DOCK11: variants seen among roughly 807,000 people sequenced by gnomAD.
DOCK11 encodes dedicator of cytokinesis protein 11.
A neutral mutation model predicts 169.1 loss-of-function variants in DOCK11; 70 were observed. The observed-to-expected ratio is 0.41, with a 90% confidence interval of 0.34 to 0.51. The LOEUF (loss-of-function observed/expected upper bound fraction) is 0.51, where lower values mean the gene tolerates loss of function less well. Ranked by LOEUF, DOCK11 falls within the 20% of genes least tolerant of loss-of-function variation. DOCK11 has a pLI of 0.10. For missense variants in DOCK11, 1,166 were observed against 1,538.8 expected, an observed-to-expected ratio of 0.76 and a Z score of 4.05; for synonymous variants, 529 against 541.3, an observed-to-expected ratio of 0.98 and a Z score of 0.32.
At chrX:118,601,584 A>G (rs2014339258) in intron 23 of DOCK11, among the ~76,000 whole-genome samples, 1 of 111,942 alleles carries the variant, frequency 8.9e-6, no homozygotes, top group Non-Finnish European at 1.9e-5. Flanking sequence ...GGAAAAGAAC[A>G]TCATTTTCAT....
intron 10 of DOCK11, among the ~76,000 whole-genome samples, chrX:118,569,039 G>GT (rs1349675899): frequency 1.1e-5 from 1 of 94,110 alleles, no homozygotes; most frequent in Non-Finnish European, 2.2e-5. Context: ...TGTTGTTGTC[G>GT]TTTTTTCTTC....
chrX:118,641,853 A>C (rs2015541799), intron 39 of DOCK11, among the ~76,000 whole-genome samples: 2 of 111,420 alleles, frequency 1.8e-5, no homozygotes, highest in Admixed American at 1.9e-4. Flanking sequence ...AAAAGTAAAA[A>C]CGGTGTGACC....
At chrX:118,604,007 T>C (rs1350578696) in intron 23 of DOCK11, among the ~76,000 whole-genome samples, 2 of 112,191 alleles carry the variant, frequency 1.8e-5, no homozygotes, top group African/African-American at 3.2e-5. Context: ...CTTCGCACTA[T>C]TGACATTTTG....
chrX:118,629,532 T>G (rs1442834079), intron 34 of DOCK11, among the ~76,000 whole-genome samples: 1 of 112,143 alleles, frequency 8.9e-6, no homozygotes, highest in East Asian at 2.8e-4. Context: ...TTTCTGATAT[T>G]TTTTAAAAAG....
intron 40 of DOCK11, among the ~76,000 whole-genome samples, chrX:118,647,681 ATAT>A (rs1190134433): frequency 4.5e-4 from 24 of 52,780 alleles, no homozygotes; most frequent in Middle Eastern, 0.016. Flanking sequence ...TTATTATATA[ATAT>A]TATATTATAA....
At chrX:118,654,471 C>T in intron 42 of DOCK11, 131 bp from the exon 43 acceptor site, 1 of 504,292 alleles carries the variant, frequency 2.0e-6, no homozygotes, top group East Asian at 3.6e-5. Context: ...AAAATTATTT[C>T]AGTGTACTAT....
chrX:118,574,484 G>T (rs1355994800), intron 12 of DOCK11, among the ~76,000 whole-genome samples: 1 of 111,166 alleles, frequency 9.0e-6, no homozygotes, highest in Non-Finnish European at 1.9e-5. Flanking sequence ...CAGGAGAATC[G>T]CTTGAACCCA....
At chrX:118,673,147 A>C (rs1472212402) in intron 46 of DOCK11, among the ~76,000 whole-genome samples, 1 of 111,898 alleles carries the variant, frequency 8.9e-6, no homozygotes, top group Non-Finnish European at 1.9e-5. Context: ...AAACCCAGGG[A>C]GCCTTTTGCT....
chrX:118,640,480 CTGAT>C (rs2015501793), intron 38 of DOCK11, among the ~76,000 whole-genome samples: 1 of 112,481 alleles, frequency 8.9e-6, no homozygotes, highest in Admixed American at 9.4e-5. Context: ...TGTTTTCCTT[CTGAT>C]TTAGAAACAA....
rs2015136172 is a variant in DOCK11, at chrX:118,627,506, A to G, written c.3591A>G (p.Ala1197=). The G allele has an allele frequency of 8.3e-7, 1 of 1,202,823 alleles. No homozygotes were observed. Among genetic ancestry groups the G allele is most frequent in the African/African-American group, 1.8e-5 (1 of 56,969 alleles). The part of the protein sequence containing the change: ...LYSCAAMPNS[A]SRDEFPCGFT... ...ACAGGTATCATATTCTGTTACAGGC[A>G]TCCAGAGATGAGTTTCCATGTGGCT... is the stretch of plus-strand genomic sequence containing the variant. Residue 1197 remains alanine, a splice_region_variant and synonymous_variant, in exon 33 of 53, where the codon GCA becomes GCG. Transcript: ENST00000276202.
chrX:118,516,832 G>A lies in DOCK11; in HGVS notation c.102+20759G>A, dbSNP rs1445021490. Among the ~76,000 whole-genome samples, 5 of 111,860 alleles carry A rather than the reference G, an allele frequency of 4.5e-5. No individual in the cohort carries two copies. In the East Asian group the frequency reaches 1.4e-3, roughly 31 times the overall value. ...ATAAAATAATGCATATACGATATAT[G>A]TGAATATACTTACCTAATCACTCTG... On this transcript the variant is annotated intron_variant, in intron 1 of 52. Coordinates refer to ENST00000276202, the MANE Select transcript of DOCK11 (RefSeq NM_144658.4).
In DOCK11 at chrX:118,495,883, A is replaced by C; in HGVS notation, c.-89A>C. On this transcript the variant is annotated 5_prime_UTR_variant, in exon 1 of 53. Transcript: ENST00000276202. ...CCGGCGAGTAAACAGAGGGAGCAGC[A>C]GCGGCCGCGGCCGCCGCGGGCCGGG... 2.2e-6 allele frequency: 1 copy of C among 462,265 alleles called. No individual in the cohort carries two copies. Among genetic ancestry groups the C allele is most frequent in the Non-Finnish European group, 2.8e-6 (1 of 352,532 alleles). 38.1% of individuals were successfully genotyped at this position (462,265 alleles called of 1,213,427 possible).
At chrX:118,648,556 T>TTA (rs756985022) in intron 40 of DOCK11, among the ~76,000 whole-genome samples, 1 of 94,786 alleles carries the variant, frequency 1.1e-5, no homozygotes, top group African/African-American at 3.8e-5. Flanking sequence ...ATAACATAAA[T>TTA]TATATATATT....
Position 118,549,106 on chromosome X carries a change from C to CTGTGTGTGTGTGTGTGTGTGTGTGTG in DOCK11, c.558+3014_558+3015insTGTGTGTGTGTGTGTGTGTGTGTGTG, listed in dbSNP as rs57680469. Among the ~76,000 whole-genome samples the CTGTGTGTGTGTGTGTGTGTGTGTGTG allele has an allele frequency of 1.1e-3, 112 of 99,107 alleles. 1 individual carries two copies. Among genetic ancestry groups the CTGTGTGTGTGTGTGTGTGTGTGTGTG allele is most frequent in the African/African-American group, 4.1e-3 (105 of 25,674 alleles). The allele number at this position is 99,107 out of a possible 115,157, so 86.1% of individuals were successfully genotyped here. On this transcript the variant is annotated intron_variant, in intron 6 of 52. Coordinates refer to ENST00000276202, the MANE Select transcript of DOCK11 (RefSeq NM_144658.4). Reference sequence around the variant, plus strand: ...CTTTTTATCCTCAGCTGCTCATATTCTGTGTGTGTGTGTGTGTGTGTGTGA... The same window carrying CTGTGTGTGTGTGTGTGTGTGTGTGTG: ...CTTTTTATCCTCAGCTGCTCATATTCTGTGTGTGTGTGTGTGTGTGTGTGTGTGTGTGTGTGTGTGTGTGTGTGTGA...
rs1270292886 is a variant in DOCK11, at chrX:118,647,948, TATA to T, written c.4399-990_4399-988del. ...ATAATAAATAATATATTTTATAATA[TATA>T]ATAATATATAATATATAATTATATA... On this transcript the variant is annotated intron_variant, in intron 40 of 52. Coordinates refer to ENST00000276202, the MANE Select transcript of DOCK11 (RefSeq NM_144658.4). Among the ~76,000 whole-genome samples the T allele has an allele frequency of 2.7e-4, 14 of 51,673 alleles. 1 individual carries two copies. The highest frequency in any genetic ancestry group is 6.7e-4 in the African/African-American group (8 of 11,869). 44.9% of individuals were successfully genotyped at this position (51,673 alleles called of 115,157 possible).
At chrX:118,662,513 A>G (rs1399106664) in intron 44 of DOCK11, among the ~76,000 whole-genome samples, 173 bp from the exon 45 acceptor site, 4 of 112,664 alleles carry the variant, frequency 3.6e-5, no homozygotes, top group African/African-American at 1.3e-4. Flanking sequence ...CTAATAAAAT[A>G]TGTAGCAAAT....
chrX:118,542,994 C>T lies in DOCK11; in HGVS notation c.288C>T (p.Ala96=). The T allele has an allele frequency of 8.3e-7, 1 of 1,208,793 alleles. No homozygotes were observed. Among genetic ancestry groups the T allele is most frequent in the Non-Finnish European group, 1.1e-6 (1 of 894,182 alleles). The part of the protein sequence containing the change: ...STVPEDAEKR[A]QSLFVKECIK... ...TACCAGAAGATGCTGAAAAGAGGGC[C>T]CAGAGTTTATTTGTTAAAGAGGTAA... The change falls in exon 3 of 53, where the codon GCC becomes GCT. Residue 96 remains alanine (A), a synonymous_variant. Coordinates refer to ENST00000276202, the MANE Select transcript of DOCK11 (RefSeq NM_144658.4).
At chrX:118,652,127 A>AAGTTTAAG in intron 42 of DOCK11, 50 bp downstream of exon 42, 1 of 844,821 alleles carries the variant, frequency 1.2e-6, no homozygotes, top group Non-Finnish European at 1.7e-6. Context: ...GCTATCAGGG[A>AAGTTTAAG]AGTTTAAACT....
intron 13 of DOCK11, among the ~76,000 whole-genome samples, chrX:118,578,891 T>C (rs945552805): frequency 1.8e-5 from 2 of 112,182 alleles, no homozygotes; most frequent in Non-Finnish European, 3.8e-5. Flanking sequence ...CATCTGCTAA[T>C]TGACACCATA....
Sources: allele counts gnomAD v4.1 joint callset (sites outside exome capture counted in the v4.1 genomes callset), GRCh38; gene constraint gnomAD v4.1.1; transcripts MANE v1.5; gene names NCBI Gene and HGNC (gene_info 2026-07-23, HGNC 2026-07-21).